Variants in ZFP91 observed in about 807,000 individuals in gnomAD.
ZFP91 encodes ZFP91 zinc finger protein, atypical E3 ubiquitin ligase.
In ZFP91, 7 loss-of-function variants were observed where a neutral mutation model predicts 63.5. The observed-to-expected ratio is 0.11, with a 90% CI of 0.06 to 0.21. The LOEUF (loss-of-function observed/expected upper bound fraction) is 0.21. ZFP91 is among the 10% of genes least tolerant of loss of function. ZFP91 has a pLI of 1.00. For missense variants in ZFP91, 628 were observed against 736.6 expected (o/e 0.85, Z 1.71); for synonymous variants, 330 against 272.1 (o/e 1.21, Z -2.10).
At chr11:58,600,266 G>GT (rs202193636) in intron 2 of ZFP91, among the ~76,000 whole-genome samples, 1,713 of 151,780 alleles carry the variant, frequency 0.011, 32 homozygotes, top group African/African-American at 0.04. Flanking sequence ...TAATCTGTGG[G>GT]TTTATTTTCA....
chr11:58,611,786 C>G (rs756147027), intron 6 of ZFP91, 48 bp downstream of exon 6: 1 of 1,553,874 alleles, frequency 6.4e-7, no homozygotes, highest in African/African-American at 1.4e-5. Context: ...TTTTGAACGA[C>G]TAGTGGAAAA....
chr11:58,596,649 T>C (rs1855408803), intron 2 of ZFP91, among the ~76,000 whole-genome samples: 1 of 152,028 alleles, frequency 6.6e-6, no homozygotes, highest in African/African-American at 2.4e-5. Flanking sequence ...TGCACCTGAA[T>C]TTATCCAAGA....
Position 58,603,525 on chromosome 11 carries a change from A to G in ZFP91, c.371-6305A>G, listed in dbSNP as rs534647661. Among the ~76,000 whole-genome samples the G allele has an allele frequency of 2.6e-5, 4 of 152,332 alleles. No homozygotes were observed. The East Asian group carries it at 7.7e-4, about 29-fold the overall frequency. On this transcript the variant is annotated intron_variant, in intron 2 of 10. Transcript: ENST00000316059. ...GCTTCGACCCCCTGAATTTCATGAA[A>G]GACTGACAAAGTTTTTGAGAATGTT...
intron 6 of ZFP91, 160 bp downstream of exon 6, chr11:58,611,898 G>T: frequency 1.4e-6 from 1 of 736,574 alleles, no homozygotes; most frequent in Non-Finnish European, 2.1e-6. Context: ...AATTTCACTG[G>T]AGAGACTCTT....
At chr11:58,586,719 G>A (rs1855216720) in intron 2 of ZFP91, among the ~76,000 whole-genome samples, 2 of 152,036 alleles carry the variant, frequency 1.3e-5, no homozygotes, top group East Asian at 1.9e-4. Context: ...GTTGTGTTTC[G>A]TATTTAGAAT....
intron 2 of ZFP91, among the ~76,000 whole-genome samples, chr11:58,593,251 TTATC>T (rs1590615814): frequency 6.6e-6 from 1 of 152,200 alleles, no homozygotes; most frequent in Admixed American, 6.5e-5. Context: ...AACTCTAAGT[TTATC>T]TGTCTGTCCC....
In ZFP91 at chr11:58,579,111, G is replaced by C. The variant is rs1590603320; in HGVS notation, c.-171G>C. The C allele has an allele frequency of 1.2e-5, 6 of 503,840 alleles. No individual in the cohort carries two copies. In the East Asian group the frequency reaches 2.2e-4, roughly 18 times the overall value. The allele number at this position is 503,840 out of a possible 1,614,324, so 31.2% of individuals were successfully genotyped here. On this transcript the variant is annotated 5_prime_UTR_variant, in exon 1 of 11. Transcript: ENST00000316059. Reference sequence around the variant, plus strand: ...AGCGGTAGCGGACCTTGAGTGGCAGGGGGTGGGGGGGGCGCCCTCGGAGCC... The same window carrying C: ...AGCGGTAGCGGACCTTGAGTGGCAGCGGGTGGGGGGGGCGCCCTCGGAGCC...
intron 2 of ZFP91, among the ~76,000 whole-genome samples, chr11:58,596,243 G>C (rs1397928701): frequency 6.6e-6 from 1 of 152,156 alleles, no homozygotes; most frequent in African/African-American, 2.4e-5. Flanking sequence ...TCTTCACATT[G>C]AGTAGGCTAA....
At position 58,611,624 on chromosome 11, in the gene ZFP91, G is replaced by C. The variant is rs1311244450; in HGVS notation, c.743G>C (p.Arg248Thr). The C allele has an allele frequency of 1.2e-6, 2 of 1,612,280 alleles. No homozygotes were observed. The highest frequency in any genetic ancestry group is 8.5e-7 in the Non-Finnish European group (1 of 1,178,986). ...TTCAGGGAAACCCCAAAGCCACGGA[G>C]AAAATCAGGGAAGGTAAAAGAAGAG... ...HLERETPKPR[R>T]KSGKVKEEKE... The change falls in exon 6 of 11, where the codon AGA becomes ACA. Residue 248 changes from arginine to threonine, a missense_variant. Transcript: ENST00000316059.
chr11:58,579,114 G>T lies in ZFP91; in HGVS notation c.-168G>T. 3.9e-6 allele frequency: 2 copies of T among 514,752 alleles called. No individual in the cohort carries two copies. The highest frequency in any genetic ancestry group is 2.1e-5 in the African/African-American group (1 of 46,704). The allele number at this position is 514,752 out of a possible 1,614,324, so 31.9% of individuals were successfully genotyped here. The stretch of plus-strand genomic sequence containing the variant: ...GGTAGCGGACCTTGAGTGGCAGGGG[G>T]TGGGGGGGGCGCCCTCGGAGCCGGG... On this transcript the variant is annotated 5_prime_UTR_variant, in exon 1 of 11. Transcript: ENST00000316059.
At chr11:58,600,179 C>T (rs1013671085) in intron 2 of ZFP91, among the ~76,000 whole-genome samples, 3 of 126,244 alleles carry the variant, frequency 2.4e-5, no homozygotes, top group Non-Finnish European at 5.3e-5. Flanking sequence ...AGATCCCTTG[C>T]ATTTTCCTGT....
chr11:58,584,119 A>T (rs941188232), intron 1 of ZFP91, among the ~76,000 whole-genome samples: 7 of 152,128 alleles, frequency 4.6e-5, no homozygotes, highest in Non-Finnish European at 7.4e-5. Flanking sequence ...GGGGGTTTTT[A>T]AAAAAATCTT....
At chr11:58,602,936 G>A (rs1051125839) in intron 2 of ZFP91, among the ~76,000 whole-genome samples, 3 of 152,078 alleles carry the variant, frequency 2.0e-5, no homozygotes, top group Non-Finnish European at 2.9e-5. Flanking sequence ...CCAAGATTGC[G>A]CCGTTGCACT....
intron 1 of ZFP91, among the ~76,000 whole-genome samples, chr11:58,583,441 CCTTT>C (rs1322006996): frequency 6.6e-6 from 1 of 151,946 alleles, no homozygotes; most frequent in Non-Finnish European, 1.5e-5. Flanking sequence ...CTTTAGGTGA[CCTTT>C]CTTGCTGTTT....
chr11:58,610,496 A>C (rs1855642009), intron 4 of ZFP91, among the ~76,000 whole-genome samples, 162 bp downstream of exon 4: 1 of 152,212 alleles, frequency 6.6e-6, no homozygotes, highest in South Asian at 2.1e-4. Context: ...CTTGATTAGA[A>C]CTTAAACCAT....
chr11:58,607,710 T>C (rs761502078), intron 2 of ZFP91, among the ~76,000 whole-genome samples: 1 of 152,212 alleles, frequency 6.6e-6, no homozygotes, highest in African/African-American at 2.4e-5. Context: ...TATTTTTTAA[T>C]GTTAAGCAAA....
At chr11:58,581,424 G>T (rs1411093800) in intron 1 of ZFP91, among the ~76,000 whole-genome samples, 1 of 152,180 alleles carries the variant, frequency 6.6e-6, no homozygotes, top group Non-Finnish European at 1.5e-5. Context: ...GTGCCACGAT[G>T]ATCTCTGCAC....
chr11:58,599,583 G>A (rs762758769), intron 2 of ZFP91, among the ~76,000 whole-genome samples: 5 of 151,838 alleles, frequency 3.3e-5, no homozygotes, highest in Non-Finnish European at 5.9e-5. Flanking sequence ...TTTGCATTTC[G>A]TTAATGACTG....
chr11:58,595,192 C>G (rs1342331960), intron 2 of ZFP91, among the ~76,000 whole-genome samples: 1 of 152,096 alleles, frequency 6.6e-6, no homozygotes, highest in Non-Finnish European at 1.5e-5. Flanking sequence ...ATAATAAATA[C>G]TTGATAGGGT....
Sources: gnomAD v4.1 joint callset for allele counts (sites outside exome capture counted in the v4.1 genomes callset) on GRCh38, gnomAD v4.1.1 for gene constraint, MANE v1.5 for transcripts, NCBI Gene and HGNC (gene_info 2026-07-23, HGNC 2026-07-21) for gene names.